Variants in FAM13A observed in about 807,000 individuals in gnomAD.
FAM13A encodes the protein protein FAM13A.
FAM13A carries 76 observed loss-of-function variants against 129.6 expected under a neutral mutation model. The observed-to-expected ratio is 0.59, with a 90% CI of 0.49 to 0.71. The LOEUF (loss-of-function observed/expected upper bound fraction) is 0.71. Among genes scored for constraint, FAM13A ranks in the 30% least tolerant of loss-of-function variants. FAM13A has a pLI of 0.00. For missense variants in FAM13A, 1,108 were observed against 1,249.3 expected (o/e 0.89, Z 1.70); for synonymous variants, 443 against 449.9 (o/e 0.98, Z 0.20).
intron 3 of FAM13A, among the ~76,000 whole-genome samples, chr4:89,017,984 G>T (rs1766732214): frequency 6.6e-6 from 1 of 151,974 alleles, no homozygotes; most frequent in Admixed American, 6.5e-5. Context: ...ATAATTCAAT[G>T]ATTTTATGCC....
chr4:88,913,502 G>GGAA (rs1465124589), intron 5 of FAM13A, among the ~76,000 whole-genome samples: 50 of 139,530 alleles, frequency 3.6e-4, no homozygotes, highest in African/African-American at 1.3e-3. Context: ...AGGAGGAAGA[G>GGAA]GAAGAGGAAG....
chr4:88,996,429 G>T (rs920338281), intron 3 of FAM13A, among the ~76,000 whole-genome samples: 1 of 152,192 alleles, frequency 6.6e-6, no homozygotes, highest in Admixed American at 6.5e-5. Flanking sequence ...GTTAGACGTG[G>T]GGGCGGATTC....
chr4:88,736,263 G>C (rs1398147190), intron 21 of FAM13A: 1 of 152,154 alleles, frequency 6.6e-6, no homozygotes, highest in Non-Finnish European at 1.5e-5. Flanking sequence ...CACAGTCATT[G>C]CCTAATACCA....
chr4:88,807,354 C>A (rs1013002698), intron 7 of FAM13A, among the ~76,000 whole-genome samples: 2 of 152,162 alleles, frequency 1.3e-5, no homozygotes, highest in African/African-American at 4.8e-5. Flanking sequence ...ATTATGACTG[C>A]GGGCCAGATC....
chr4:88,975,089 T>G (rs1215456091), intron 4 of FAM13A, among the ~76,000 whole-genome samples: 1 of 152,114 alleles, frequency 6.6e-6, no homozygotes, highest in Non-Finnish European at 1.5e-5. Context: ...ATAAAACTTG[T>G]AGAAAAATAA....
intron 7 of FAM13A, chr4:88,823,214 G>A (rs1165014586): frequency 2.8e-6 from 4 of 1,413,420 alleles, no homozygotes; most frequent in South Asian, 3.2e-5. Context: ...TATTTTATCG[G>A]CTGCTTCTCT....
chr4:88,998,383 C>G (rs1763832758), intron 3 of FAM13A, among the ~76,000 whole-genome samples: 1 of 152,104 alleles, frequency 6.6e-6, no homozygotes, highest in African/African-American at 2.4e-5. Context: ...AATCCAAGTG[C>G]CCAGGACCTC....
intron 6 of FAM13A, among the ~76,000 whole-genome samples, chr4:88,851,509 G>A (rs1222444585): frequency 6.6e-6 from 1 of 151,942 alleles, no homozygotes; most frequent in African/African-American, 2.4e-5. Context: ...AATGATATGG[G>A]AGTATGTCAG....
At chr4:88,731,715 T>TGTGCTCAGCGTGTGTTAA in intron 22 of FAM13A, 1 of 526,296 alleles carries the variant, frequency 1.9e-6, no homozygotes, top group South Asian at 2.9e-5. Context: ...AGATGACATC[T>TGTGCTCAGCGTGTGTTAA]GTGCTCAGCG....
chr4:88,844,317 G>A (rs1188211387), intron 7 of FAM13A, among the ~76,000 whole-genome samples: 2 of 152,198 alleles, frequency 1.3e-5, no homozygotes, highest in Non-Finnish European at 2.9e-5. Context: ...GCCTGAAACT[G>A]TATTTAATCT....
chr4:88,926,709 A>G (rs923074462), intron 5 of FAM13A, among the ~76,000 whole-genome samples: 1 of 152,232 alleles, frequency 6.6e-6, no homozygotes, highest in Admixed American at 6.5e-5. Context: ...ATATATGAGT[A>G]TGATCTAAAA....
intron 3 of FAM13A, 152 bp from the exon 4 acceptor site, chr4:88,991,302 T>A: frequency 1.8e-6 from 1 of 568,450 alleles, no homozygotes. Flanking sequence ...TGTTAAAGAA[T>A]TACTAACTTA....
chr4:88,838,798 G>T (rs1459073176), intron 7 of FAM13A, among the ~76,000 whole-genome samples: 1 of 151,912 alleles, frequency 6.6e-6, no homozygotes, highest in Non-Finnish European at 1.5e-5. Flanking sequence ...AAATTTCACT[G>T]CAGTACTTGC....
At chr4:88,848,262 T>C (rs1372312609) in intron 7 of FAM13A, among the ~76,000 whole-genome samples, 1 of 152,214 alleles carries the variant, frequency 6.6e-6, no homozygotes, top group Admixed American at 6.5e-5. Flanking sequence ...ATGTGGAAAG[T>C]GTCCTTGTGG....
At chr4:88,995,989 G>A (rs1763489787) in intron 3 of FAM13A, among the ~76,000 whole-genome samples, 1 of 152,180 alleles carries the variant, frequency 6.6e-6, no homozygotes, top group African/African-American at 2.4e-5. Context: ...ACTCAATATG[G>A]TCAGGGAGGC....
chr4:89,038,645 T>C (rs1037050433), intron 1 of FAM13A, among the ~76,000 whole-genome samples: 3 of 152,176 alleles, frequency 2.0e-5, no homozygotes, highest in African/African-American at 7.2e-5. Context: ...ACATATTTAA[T>C]ACACTAATAA....
intron 11 of FAM13A, among the ~76,000 whole-genome samples, 187 bp downstream of exon 11, chr4:88,780,978 A>G (rs979542792): frequency 5.3e-5 from 8 of 152,128 alleles, no homozygotes; most frequent in African/African-American, 1.7e-4. Flanking sequence ...GTAGAATATA[A>G]TATTTCTCGG....
At chr4:88,988,686 G>T (rs911535741) in intron 4 of FAM13A, among the ~76,000 whole-genome samples, 2 of 151,776 alleles carry the variant, frequency 1.3e-5, no homozygotes, top group Non-Finnish European at 2.9e-5. Context: ...CTAGTAAATT[G>T]ATAAATATGA....
chr4:88,950,711 T>C (rs1030608584), intron 4 of FAM13A, among the ~76,000 whole-genome samples: 4 of 152,214 alleles, frequency 2.6e-5, no homozygotes, highest in Admixed American at 6.5e-5. Flanking sequence ...GGAGCTGATT[T>C]ATTCCAGATG....
Sources: allele counts gnomAD v4.1 joint callset (sites outside exome capture counted in the v4.1 genomes callset), GRCh38; gene constraint gnomAD v4.1.1; transcripts MANE v1.5; gene names NCBI Gene and HGNC (gene_info 2026-07-23, HGNC 2026-07-21).